BCL7A: variants seen among roughly 807,000 people sequenced by gnomAD.
BCL7A encodes BAF chromatin remodeling complex subunit BCL7A, also known as B-cell CLL/lymphoma 7 protein family member A.
A neutral mutation model predicts 28.4 loss-of-function variants in BCL7A; 11 were observed. The observed-to-expected ratio is 0.39, with a 90% CI of 0.24 to 0.64. BCL7A has a LOEUF of 0.64. Among genes scored for constraint, BCL7A ranks in the 30% least tolerant of loss-of-function variants. BCL7A has a pLI of 0.50. For synonymous variants in BCL7A, 123 were observed against 103.3 expected, an observed-to-expected ratio of 1.19 and a Z score of -1.15; for missense variants, 222 against 274.8, an observed-to-expected ratio of 0.81 and a Z score of 1.36.
rs549117870 is a variant in BCL7A at position 122,035,206 on chromosome 12, G to A, written c.175-125G>A. The A allele has an allele frequency of 6.0e-5, 49 of 822,862 alleles. No homozygotes were observed. In the African/African-American group the frequency reaches 7.4e-4, roughly 13 times the overall value. The allele number at this position is 822,862 out of a possible 1,614,324, so 51.0% of individuals were successfully genotyped here. On this transcript the variant is annotated intron_variant, in intron 2 of 5. Coordinates refer to ENST00000261822, the MANE Select transcript of BCL7A (RefSeq NM_001024808.3). ...AAATGTGGGCCCAGGAAAACCTCCAGAGGCCTGGGGGCTCCAGGAGGCTTC... is the reference window on the plus strand; with the variant it reads ...AAATGTGGGCCCAGGAAAACCTCCAAAGGCCTGGGGGCTCCAGGAGGCTTC...
chr12:122,032,468 C>G (rs960526074), intron 2 of BCL7A, among the ~76,000 whole-genome samples: 7 of 152,186 alleles, frequency 4.6e-5, no homozygotes, highest in Non-Finnish European at 8.8e-5. Context: ...TTTCTAATCT[C>G]GTTTGGGGAA....
Position 122,021,957 on chromosome 12 carries a change from T to TGAGA in BCL7A, c.-132_-131insAGAG, listed in dbSNP as rs1555222283. 5,770 of 583,012 alleles carry TGAGA rather than the reference T, an allele frequency of 9.9e-3. 66 individuals carry two copies. The highest frequency in any genetic ancestry group is 0.012 in the Non-Finnish European group (3,805 of 328,498). The allele number at this position is 583,012 out of a possible 1,614,324, so 36.1% of individuals were successfully genotyped here. A position where few individuals can be genotyped will look rare whatever the true frequency, so the allele number is the denominator to read the frequency against. ...GTGTGTGTGTGTGTGTGTGTGTGTG[T>TGAGA]GAGTGTGTGCGTGTGAGAGTGCGAG... On this transcript the variant is annotated 5_prime_UTR_variant, in exon 1 of 6. Transcript: ENST00000261822.
chr12:122,050,013 C>T (rs1209497065), intron 4 of BCL7A, among the ~76,000 whole-genome samples: 1 of 152,108 alleles, frequency 6.6e-6, no homozygotes, highest in Non-Finnish European at 1.5e-5. Flanking sequence ...CTCGCTGTGT[C>T]ACCCAGGGCG....
rs926684862 is a variant in BCL7A at position 122,060,353 on chromosome 12, T to C, written c.*1190T>C. 4.3e-5 allele frequency: 10 copies of C among 232,814 alleles called. No homozygotes were observed. Among genetic ancestry groups the C allele is most frequent in the Non-Finnish European group, 6.0e-5 (7 of 117,622 alleles). The allele number at this position is 232,814 out of a possible 1,614,324, so 14.4% of individuals were successfully genotyped here. ...TCTGTCCCCACCGGGGAGTGGGCCT[T>C]GATGGCCGGGCCTCGAAGGCCACAA... On this transcript the variant is annotated 3_prime_UTR_variant, in exon 6 of 6. Coordinates refer to ENST00000261822, the MANE Select transcript of BCL7A (RefSeq NM_001024808.3).
chr12:122,050,006 G>T (rs930688950), intron 4 of BCL7A, among the ~76,000 whole-genome samples: 1 of 152,098 alleles, frequency 6.6e-6, no homozygotes, highest in Non-Finnish European at 1.5e-5. Context: ...ACGGAGTCTC[G>T]CTGTGTCACC....
chr12:122,024,735 AAAAT>A (rs1262466633), intron 1 of BCL7A, among the ~76,000 whole-genome samples: 1 of 152,208 alleles, frequency 6.6e-6, no homozygotes, highest in Non-Finnish European at 1.5e-5. Flanking sequence ...GATTTTTTTA[AAAAT>A]AAATGTTTTT....
At chr12:122,027,531 C>A (rs986778183) in intron 1 of BCL7A, among the ~76,000 whole-genome samples, 4 of 146,306 alleles carry the variant, frequency 2.7e-5, no homozygotes, top group Non-Finnish European at 6.0e-5. Flanking sequence ...CAGAGGGAGA[C>A]CTTATCTCAA....
chr12:122,054,951 G>A (rs370241998), intron 5 of BCL7A, 25 bp downstream of exon 5: 22 of 1,614,042 alleles, frequency 1.4e-5, no homozygotes, highest in Non-Finnish European at 1.8e-5. Flanking sequence ...GTCTCAGAGG[G>A]GCAGCCAGAT....
chr12:122,023,545 CCT>C, intron 1 of BCL7A, among the ~76,000 whole-genome samples: 1 of 152,340 alleles, frequency 6.6e-6, no homozygotes, highest in Middle Eastern at 3.4e-3. Flanking sequence ...TGCTCCCCGG[CCT>C]CCTATGGAAA....
At chr12:122,053,490 C>T (rs1242733007) in intron 4 of BCL7A, among the ~76,000 whole-genome samples, 1 of 152,156 alleles carries the variant, frequency 6.6e-6, no homozygotes, top group Non-Finnish European at 1.5e-5. Flanking sequence ...TACTCTGCCT[C>T]AGAAACCCCA....
chr12:122,033,775 C>T (rs906408530), intron 2 of BCL7A, among the ~76,000 whole-genome samples: 7 of 152,142 alleles, frequency 4.6e-5, no homozygotes, highest in African/African-American at 1.7e-4. Context: ...CTGTTTTATT[C>T]AGTTCAGTTA....
intron 4 of BCL7A, among the ~76,000 whole-genome samples, chr12:122,053,276 G>A (rs868660082): frequency 3.3e-4 from 51 of 152,340 alleles, no homozygotes; most frequent in Middle Eastern, 3.4e-3. Flanking sequence ...GATTATAGGC[G>A]TGAGCCGCCG....
intron 2 of BCL7A, among the ~76,000 whole-genome samples, chr12:122,032,579 G>A (rs1014252728): frequency 6.6e-6 from 1 of 152,204 alleles, no homozygotes; most frequent in Admixed American, 6.5e-5. Flanking sequence ...GGACCGGGCA[G>A]CTCTAGGCTT....
At chr12:122,023,254 C>T (rs1883517035) in intron 1 of BCL7A, among the ~76,000 whole-genome samples, 2 of 152,216 alleles carry the variant, frequency 1.3e-5, no homozygotes, top group South Asian at 2.1e-4. Flanking sequence ...TTATTTTTTT[C>T]CCACGCCTTC....
intron 5 of BCL7A, among the ~76,000 whole-genome samples, chr12:122,056,747 A>G (rs1593038172): frequency 6.6e-6 from 1 of 152,158 alleles, no homozygotes; most frequent in East Asian, 1.9e-4. Context: ...TCAAGGCTGC[A>G]GTGGGCTATG....
At position 122,054,892 on chromosome 12, in the gene BCL7A, C is replaced by T. The variant is rs759493534; in HGVS notation, c.527C>T (p.Ser176Leu). Residue 176 changes from serine (S) to leucine (L), a missense_variant, in exon 5 of 6, where the codon TCG (serine) becomes TTG (leucine). Physicochemically the swap from Ser to Leu is moderately radical, Grantham distance 145. Coordinates refer to ENST00000261822, the MANE Select transcript of BCL7A (RefSeq NM_001024808.3). ...GTAGATCGGCAGCCGTCTGGAGACTCGGGTCTGGCCGCAGAGACGTCTGCA... is the reference window on the plus strand; with the variant it reads ...GTAGATCGGCAGCCGTCTGGAGACTTGGGTCTGGCCGCAGAGACGTCTGCA... ...EKVDRQPSGD[S>L]GLAAETSAIS... 4.8e-5 allele frequency: 78 copies of T among 1,614,070 alleles called. No individual in the cohort carries two copies. The highest frequency in any genetic ancestry group is 6.5e-5 in the Non-Finnish European group (77 of 1,180,040).
intron 2 of BCL7A, among the ~76,000 whole-genome samples, chr12:122,031,118 G>T (rs113365103): frequency 2.0e-5 from 3 of 151,952 alleles, no homozygotes; most frequent in Non-Finnish European, 2.9e-5. Context: ...CCTCTGCCTC[G>T]TGAGTTCAAG....
At chr12:122,051,345 G>C (rs905138478) in intron 4 of BCL7A, among the ~76,000 whole-genome samples, 2 of 152,224 alleles carry the variant, frequency 1.3e-5, no homozygotes, top group Non-Finnish European at 2.9e-5. Context: ...GGTGCGTGCT[G>C]TCTGCCGGGA....
In BCL7A at chr12:122,021,933, TGTGTGTGTGTGTGTGTGTGTGTGTGA is replaced by T. The variant is rs1883464048; in HGVS notation, c.-151_-126del. On this transcript the variant is annotated 5_prime_UTR_variant, in exon 1 of 6. The change creates a premature stop within an existing upstream ORF in the 5' untranslated region. Transcript: ENST00000261822. ...CCCGGGCTTTGTGTGTGTGTGTATGTGTGTGTGTGTGTGTGTGTGTGTGTGAGTGTGTGCGTGTGAGAGTGCGAGTG... is the reference window on the plus strand; with the variant it reads ...CCCGGGCTTTGTGTGTGTGTGTATGTGTGTGTGCGTGTGAGAGTGCGAGTG... The T allele has an allele frequency of 3.8e-6, 2 of 519,906 alleles. No individual in the cohort carries two copies. The highest frequency in any genetic ancestry group is 6.9e-6 in the Non-Finnish European group (2 of 291,262). The allele number at this position is 519,906 out of a possible 1,614,324, so 32.2% of individuals were successfully genotyped here. A position where few individuals can be genotyped will look rare whatever the true frequency, so the allele number is the denominator to read the frequency against.
Sources: allele counts gnomAD v4.1 joint callset (sites outside exome capture counted in the v4.1 genomes callset), GRCh38; gene constraint gnomAD v4.1.1; transcripts MANE v1.5; gene names NCBI Gene and HGNC (gene_info 2026-07-23, HGNC 2026-07-21).